CSMD1: variants seen among roughly 807,000 people sequenced by gnomAD.
CSMD1 encodes CUB and sushi domain-containing protein 1.
A neutral mutation model predicts 417.5 loss-of-function variants in CSMD1; 213 were observed. That is an observed-to-expected ratio of 0.51 (90% CI 0.46 to 0.57). The LOEUF (loss-of-function observed/expected upper bound fraction) is 0.57, where lower values mean the gene tolerates loss of function less well. CSMD1 is among the 20% of genes least tolerant of loss of function. The pLI is 0.00. For missense variants in CSMD1, 6,923 were observed against 4,529.7 expected (o/e 1.53, Z -15.17); for synonymous variants, 2,862 against 1,736.8 (o/e 1.65, Z -16.11).
At chr8:4,160,545 G>T (rs1026144313) in intron 3 of CSMD1, among the ~76,000 whole-genome samples, 1 of 152,206 alleles carries the variant, frequency 6.6e-6, no homozygotes, top group South Asian at 2.1e-4. Flanking sequence ...GAGATTTTCA[G>T]GTGATTTAAA....
At chr8:4,041,715 C>T (rs759838945) in intron 3 of CSMD1, among the ~76,000 whole-genome samples, 1 of 152,120 alleles carries the variant, frequency 6.6e-6, no homozygotes, top group Non-Finnish European at 1.5e-5. Flanking sequence ...AACATTAAAA[C>T]TGTTATTAGA....
intron 3 of CSMD1, among the ~76,000 whole-genome samples, chr8:4,237,653 C>G (rs773741485): frequency 1.3e-5 from 2 of 151,998 alleles, no homozygotes; most frequent in Non-Finnish European, 2.9e-5. Context: ...GTAGCTGAGA[C>G]TGGAGGTGTG....
At chr8:4,061,448 T>C (rs1244778694) in intron 3 of CSMD1, among the ~76,000 whole-genome samples, 1 of 152,156 alleles carries the variant, frequency 6.6e-6, no homozygotes, top group African/African-American at 2.4e-5. Context: ...TATAGCTCCC[T>C]GAAAATGGAT....
At chr8:3,363,100 C>A (rs952346025) in intron 20 of CSMD1, among the ~76,000 whole-genome samples, 2 of 152,170 alleles carry the variant, frequency 1.3e-5, no homozygotes, top group African/African-American at 4.8e-5. Flanking sequence ...TCTGCTTTAT[C>A]CTAAACTTGG....
At chr8:3,416,384 C>G (rs576801190) in intron 12 of CSMD1, among the ~76,000 whole-genome samples, 1 of 149,732 alleles carries the variant, frequency 6.7e-6, no homozygotes, top group African/African-American at 2.5e-5. Flanking sequence ...TAACAGAGGA[C>G]CAAACACTAC....
chr8:3,572,269 A>C (rs988385131), intron 10 of CSMD1, among the ~76,000 whole-genome samples: 3 of 152,186 alleles, frequency 2.0e-5, no homozygotes, highest in Non-Finnish European at 4.4e-5. Context: ...CAGGCTTTGC[A>C]AACTCTGAGG....
At chr8:4,381,063 A>G (rs1563114056) in intron 3 of CSMD1, among the ~76,000 whole-genome samples, 2 of 152,306 alleles carry the variant, frequency 1.3e-5, no homozygotes, top group South Asian at 2.1e-4. Flanking sequence ...ATTGTGGGTT[A>G]TATTAGGTTG....
At chr8:3,290,571 T>G (rs991795269) in intron 25 of CSMD1, among the ~76,000 whole-genome samples, 1 of 146,616 alleles carries the variant, frequency 6.8e-6, no homozygotes, top group Non-Finnish European at 1.5e-5. Flanking sequence ...CTAGGTATTT[T>G]GTTCTCTTTG....
intron 2 of CSMD1, among the ~76,000 whole-genome samples, chr8:4,531,253 C>T (rs1001372442): frequency 2.0e-5 from 3 of 152,100 alleles, no homozygotes; most frequent in Admixed American, 2.0e-4. Context: ...TCCTTACAGG[C>T]CATATGACAA....
At chr8:3,635,004 C>G (rs1036911277) in intron 7 of CSMD1, among the ~76,000 whole-genome samples, 1 of 151,984 alleles carries the variant, frequency 6.6e-6, no homozygotes, top group Non-Finnish European at 1.5e-5. Flanking sequence ...GTATCTAAAC[C>G]TAACTAAACA....
intron 42 of CSMD1, among the ~76,000 whole-genome samples, chr8:3,115,020 C>T (rs116829851): frequency 0.012 from 1,865 of 152,034 alleles, 49 homozygotes; most frequent in African/African-American, 0.043. Context: ...TTATTTAATG[C>T]CTAAAATTAT....
chr8:2,954,496 G>A (rs980940846), intron 64 of CSMD1, among the ~76,000 whole-genome samples: 2 of 152,016 alleles, frequency 1.3e-5, no homozygotes, highest in East Asian at 1.9e-4. Flanking sequence ...ATCTATCTAC[G>A]TATATTTCCA....
chr8:3,009,728 C>G (rs921161176), intron 52 of CSMD1, among the ~76,000 whole-genome samples: 4 of 152,162 alleles, frequency 2.6e-5, no homozygotes, highest in Admixed American at 6.5e-5. Flanking sequence ...TATGGTATCA[C>G]AGAGAGTGTG....
intron 4 of CSMD1, among the ~76,000 whole-genome samples, chr8:4,019,043 C>T (rs924293658): frequency 3.9e-5 from 6 of 152,176 alleles, no homozygotes; most frequent in South Asian, 2.1e-4. Context: ...AAATCTTTAT[C>T]GCTTTGAGAC....
At chr8:4,012,512 A>C (rs1417288964) in intron 4 of CSMD1, among the ~76,000 whole-genome samples, 1 of 152,092 alleles carries the variant, frequency 6.6e-6, no homozygotes, top group Non-Finnish European at 1.5e-5. Flanking sequence ...TGGTGTATGC[A>C]TGATCCCTAC....
intron 5 of CSMD1, among the ~76,000 whole-genome samples, chr8:3,860,365 T>C (rs1341805414): frequency 6.6e-6 from 1 of 152,202 alleles, no homozygotes; most frequent in Non-Finnish European, 1.5e-5. Flanking sequence ...TTCATTTTTA[T>C]TTTATGATAT....
rs149688319 is a variant in CSMD1 at position 3,075,989 on chromosome 8, T to G, written c.7474+11108A>C. On this transcript the variant is annotated intron_variant, in intron 49 of 69. Transcript: ENST00000635120. Reference sequence around the variant, plus strand: ...TGGCATGAACCTGGGAGGCGCAGCTTGCAGTGAGCCGAGATCGCGCCACTG... The same window carrying G: ...TGGCATGAACCTGGGAGGCGCAGCTGGCAGTGAGCCGAGATCGCGCCACTG... Among the ~76,000 whole-genome samples, 6 of 150,560 alleles carry G rather than the reference T, an allele frequency of 4.0e-5. No individual in the cohort carries two copies. In the South Asian group the frequency reaches 1.0e-3, roughly 26 times the overall value.
At chr8:3,566,794 T>G (rs1205666207) in intron 10 of CSMD1, among the ~76,000 whole-genome samples, 1 of 152,014 alleles carries the variant, frequency 6.6e-6, no homozygotes, top group Non-Finnish European at 1.5e-5. Flanking sequence ...GCTGGTGAGG[T>G]TGTGGAGAAA....
chr8:3,594,401 C>G (rs1294884528), intron 8 of CSMD1, among the ~76,000 whole-genome samples: 1 of 151,754 alleles, frequency 6.6e-6, no homozygotes, highest in East Asian at 1.9e-4. Context: ...TTGAAAGATG[C>G]ATAGAATGTA....
Sources: gnomAD v4.1 joint callset for allele counts (sites outside exome capture counted in the v4.1 genomes callset) on GRCh38, gnomAD v4.1.1 for gene constraint, MANE v1.5 for transcripts, NCBI Gene and HGNC (gene_info 2026-07-23, HGNC 2026-07-21) for gene names.